PLA2G4A: variants seen among roughly 807,000 people sequenced by gnomAD.
PLA2G4A encodes the protein cytosolic phospholipase A2.
A neutral mutation model predicts 81.9 loss-of-function variants in PLA2G4A; 40 were observed. The ratio of observed to expected loss-of-function variants is 0.49; its 90% CI spans 0.38 to 0.64. The LOEUF is 0.64. Ranked by LOEUF, PLA2G4A falls within the 30% of genes least tolerant of loss-of-function variation. The probability of loss-of-function intolerance (pLI) is 0.00; values close to 1 mark genes in which losing one functional copy is unlikely to be tolerated. For synonymous variants in PLA2G4A, 302 were observed against 296.9 expected (o/e 1.02, Z -0.18); for missense variants, 715 against 905.1 (o/e 0.79, Z 2.69).
chr1:186,872,332 C>G (rs192999035), intron 3 of PLA2G4A, among the ~76,000 whole-genome samples: 1 of 152,126 alleles, frequency 6.6e-6, no homozygotes, highest in East Asian at 1.9e-4. Context: ...CACTATTACC[C>G]ACCATACTCT....
intron 14 of PLA2G4A, among the ~76,000 whole-genome samples, chr1:186,963,874 T>C (rs1657040749): frequency 2.6e-5 from 4 of 152,360 alleles, no homozygotes; most frequent in African/African-American, 9.6e-5. Context: ...GACTGTCTCA[T>C]TGGTGTTTTT....
intron 14 of PLA2G4A, among the ~76,000 whole-genome samples, chr1:186,958,834 G>A (rs562556267): frequency 6.6e-6 from 1 of 152,286 alleles, no homozygotes; most frequent in East Asian, 1.9e-4. Flanking sequence ...AATATTTTAT[G>A]TAGATTTGGT....
intron 7 of PLA2G4A, among the ~76,000 whole-genome samples, chr1:186,925,513 G>A (rs1655515840): frequency 6.6e-6 from 1 of 152,066 alleles, no homozygotes; most frequent in Admixed American, 6.6e-5. Context: ...TCTTAGTTCT[G>A]TGTCTCTACA....
chr1:186,947,941 C>A (rs1025563691), intron 12 of PLA2G4A, among the ~76,000 whole-genome samples: 2 of 152,122 alleles, frequency 1.3e-5, no homozygotes, highest in Non-Finnish European at 2.9e-5. Context: ...GAATTTTAAA[C>A]AAGCTGTCCT....
chr1:186,855,729 T>C (rs1471734951), intron 2 of PLA2G4A, among the ~76,000 whole-genome samples: 1 of 152,114 alleles, frequency 6.6e-6, no homozygotes, highest in Non-Finnish European at 1.5e-5. Context: ...ATCATTTGAA[T>C]GTCACAAGCT....
intron 5 of PLA2G4A, among the ~76,000 whole-genome samples, chr1:186,900,355 C>T (rs1415506376): frequency 6.6e-6 from 1 of 152,110 alleles, no homozygotes; most frequent in African/African-American, 2.4e-5. Context: ...TACTTCCTGG[C>T]CCATTAAGCA....
chr1:186,972,680 C>T (rs992152347), intron 15 of PLA2G4A, among the ~76,000 whole-genome samples: 6 of 151,594 alleles, frequency 4.0e-5, no homozygotes, highest in South Asian at 2.1e-4. Context: ...GCCAGAACAA[C>T]GGGTTAATTC....
At chr1:186,908,652 ATAGAT>A (rs1459135764) in intron 6 of PLA2G4A, among the ~76,000 whole-genome samples, 2 of 151,896 alleles carry the variant, frequency 1.3e-5, no homozygotes, top group Admixed American at 6.6e-5. Context: ...TTATGGATAA[ATAGAT>A]TATAGTATAC....
intron 7 of PLA2G4A, among the ~76,000 whole-genome samples, chr1:186,913,873 G>A (rs1199307843): frequency 6.6e-6 from 1 of 152,168 alleles, no homozygotes; most frequent in Non-Finnish European, 1.5e-5. Context: ...TGTCCCACAT[G>A]TGGTTGCAGA....
intron 1 of PLA2G4A, among the ~76,000 whole-genome samples, chr1:186,835,816 G>A (rs59949256): frequency 0.01 from 1,553 of 152,222 alleles, 28 homozygotes; most frequent in African/African-American, 0.036. Flanking sequence ...TCACAGCAGC[G>A]ATTCTAATTT....
chr1:186,950,855 C>A, intron 13 of PLA2G4A, 127 bp downstream of exon 13: 1 of 700,084 alleles, frequency 1.4e-6, no homozygotes, highest in Non-Finnish European at 2.7e-6. Context: ...AAAATTGTAG[C>A]TTTCTGTTGA....
chr1:186,916,922 TC>T (rs1401662893), intron 7 of PLA2G4A, among the ~76,000 whole-genome samples: 3 of 152,196 alleles, frequency 2.0e-5, no homozygotes, highest in African/African-American at 7.2e-5. Flanking sequence ...ATAATTTTCC[TC>T]ATGCTTCGGC....
chr1:186,934,505 CAT>C (rs58064022), intron 8 of PLA2G4A, among the ~76,000 whole-genome samples: 29,360 of 140,044 alleles, frequency 0.21, 5,575 homozygotes, highest in African/African-American at 0.5. Flanking sequence ...TAAATGTGCA[CAT>C]ATATATATAT....
At position 186,874,621 on chromosome 1, in the gene PLA2G4A, G is replaced by T. The variant is rs538988091; in HGVS notation, c.115+4105G>T. Among the ~76,000 whole-genome samples the T allele has an allele frequency of 1.6e-3, 248 of 152,102 alleles. 2 individuals carry two copies. Among genetic ancestry groups the T allele is most frequent in the African/African-American group, 5.8e-3 (240 of 41,526 alleles). On this transcript the variant is annotated intron_variant, in intron 3 of 17. Transcript: ENST00000367466. ...GACACATAAACTCTTTTTCTTTACA[G>T]AATTAGCATCATAAACATTAGAGCT...
intron 8 of PLA2G4A, among the ~76,000 whole-genome samples, chr1:186,937,124 A>G (rs1655978255): frequency 6.6e-6 from 1 of 151,914 alleles, no homozygotes; most frequent in Non-Finnish European, 1.5e-5. Context: ...GTGAATTCTA[A>G]GGAATATGTG....
intron 3 of PLA2G4A, among the ~76,000 whole-genome samples, chr1:186,890,582 A>G (rs1276387300): frequency 6.6e-6 from 1 of 152,202 alleles, no homozygotes; most frequent in Non-Finnish European, 1.5e-5. Flanking sequence ...CTGGCCGGGC[A>G]TGGTGGCTCA....
At chr1:186,897,316 G>GAA (rs1654367024) in intron 5 of PLA2G4A, among the ~76,000 whole-genome samples, 1 of 152,056 alleles carries the variant, frequency 6.6e-6, no homozygotes, top group Non-Finnish European at 1.5e-5. Context: ...GGAATTGAGA[G>GAA]AATGGACCCT....
intron 2 of PLA2G4A, among the ~76,000 whole-genome samples, chr1:186,864,803 C>CA (rs1339491493): frequency 2.0e-5 from 3 of 151,068 alleles, no homozygotes; most frequent in Non-Finnish European, 4.4e-5. Flanking sequence ...AAAATATATA[C>CA]AACTATAGGC....
At chr1:186,949,308 AGAG>A in intron 12 of PLA2G4A, among the ~76,000 whole-genome samples, 1 of 148,508 alleles carries the variant, frequency 6.7e-6, no homozygotes, top group Non-Finnish European at 1.5e-5. Context: ...AAAGAAAGAA[AGAG>A]AAAGAAGGAA....
Sources: allele counts gnomAD v4.1 joint callset (sites outside exome capture counted in the v4.1 genomes callset), GRCh38; gene constraint gnomAD v4.1.1; transcripts MANE v1.5; gene names NCBI Gene and HGNC (gene_info 2026-07-23, HGNC 2026-07-21).